The following APP variants were observed in gnomAD, a reference collection of about 807,000 sequenced individuals.
APP encodes the protein amyloid-beta precursor protein.
A neutral mutation model predicts 101.4 loss-of-function variants in APP; 31 were observed. The ratio of observed to expected loss-of-function variants is 0.31; its 90% CI spans 0.23 to 0.41. The LOEUF (loss-of-function observed/expected upper bound fraction) is 0.41, where lower values mean the gene tolerates loss of function less well. APP is among the 10% of genes least tolerant of loss of function. The pLI is 1.00. For missense variants in APP, 839 were observed against 1,003.7 expected (o/e 0.84, Z 2.22); for synonymous variants, 366 against 364.4 (o/e 1.00, Z -0.05).
At chr21:25,976,805 A>G (rs1038316568) in intron 9 of APP, among the ~76,000 whole-genome samples, 4 of 152,218 alleles carry the variant, frequency 2.6e-5, no homozygotes, top group Non-Finnish European at 5.9e-5. Flanking sequence ...TTGAGGGGTA[A>G]GTCCTGTAAG....
At position 25,881,499 on chromosome 21, in the gene APP, A is replaced by C. The variant is rs201876780; in HGVS notation, c.*171T>G. The C allele has an allele frequency of 1.4e-6, 1 of 724,674 alleles. No individual in the cohort carries two copies. Among genetic ancestry groups the C allele is most frequent in the Non-Finnish European group, 2.4e-6 (1 of 412,956 alleles). 44.9% of individuals were successfully genotyped at this position (724,674 alleles called of 1,614,324 possible). Reference sequence around the variant, plus strand: ...GATAGAATACATTACTGATGTGTGGATTAATTCAAGTTCAGGCATCTACTT... The same window carrying C: ...GATAGAATACATTACTGATGTGTGGCTTAATTCAAGTTCAGGCATCTACTT... On this transcript the variant is annotated 3_prime_UTR_variant, in exon 18 of 18. Transcript: ENST00000346798.
At chr21:26,003,655 C>T (rs1423044421) in intron 6 of APP, among the ~76,000 whole-genome samples, 1 of 152,232 alleles carries the variant, frequency 6.6e-6, no homozygotes, top group East Asian at 1.9e-4. Context: ...CTCTAAGAGA[C>T]AGCTACCTTG....
chr21:26,075,870 C>T (rs1206683709), intron 3 of APP, among the ~76,000 whole-genome samples: 1 of 152,070 alleles, frequency 6.6e-6, no homozygotes, highest in East Asian at 1.9e-4. Context: ...CCTGGAACAT[C>T]CCCATGAATA....
chr21:26,094,133 AT>A (rs979250274), intron 2 of APP, among the ~76,000 whole-genome samples: 1 of 151,578 alleles, frequency 6.6e-6, no homozygotes, highest in Non-Finnish European at 1.5e-5. Flanking sequence ...AAAAAAAAAA[AT>A]TTGAACCACA....
At chr21:25,908,691 T>C (rs1466744687) in intron 14 of APP, among the ~76,000 whole-genome samples, 1 of 29,998 alleles carries the variant, frequency 3.3e-5, no homozygotes, top group African/African-American at 1.5e-4. Context: ...CCTGGCTCCA[T>C]TAAAAAAAAA....
At chr21:26,028,346 A>T (rs1244126017) in intron 5 of APP, among the ~76,000 whole-genome samples, 1 of 152,202 alleles carries the variant, frequency 6.6e-6, no homozygotes, top group Non-Finnish European at 1.5e-5. Context: ...TGAGTAACAG[A>T]CATACTGCAG....
chr21:25,881,871 T>G (rs2037009210), intron 17 of APP, 100 bp from the exon 18 acceptor site: 2 of 1,219,436 alleles, frequency 1.6e-6, no homozygotes, highest in East Asian at 4.9e-5. Context: ...TACTCTTCTT[T>G]TGCCAAGATT....
rs1412729181 is a variant in APP, at chr21:25,905,858, ACTTC to A, written c.1910-785_1910-782del. On this transcript the variant is annotated intron_variant, in intron 14 of 17. Coordinates refer to ENST00000346798, the MANE Select transcript of APP (RefSeq NM_000484.4). ...AAAGCACTTCTGATGCTCAGAAAAT[ACTTC>A]CTTGTTTTACGCTGGCGTTTGAAGA... Among the ~76,000 whole-genome samples, 3 of 152,342 alleles carry A rather than the reference ACTTC, an allele frequency of 2.0e-5. No homozygotes were observed. In the East Asian group the frequency reaches 5.8e-4, roughly 29 times the overall value.
intron 14 of APP, among the ~76,000 whole-genome samples, chr21:25,907,073 C>T (rs558294769): frequency 3.9e-5 from 6 of 152,176 alleles, no homozygotes; most frequent in Non-Finnish European, 7.4e-5. Flanking sequence ...GGTTCAAATG[C>T]GTATACTTAT....
chr21:26,070,251 G>C (rs2046619964), intron 3 of APP, among the ~76,000 whole-genome samples: 1 of 152,146 alleles, frequency 6.6e-6, no homozygotes, highest in South Asian at 2.1e-4. Flanking sequence ...CTCTCTCTCT[G>C]TTACCACGCC....
intron 13 of APP, among the ~76,000 whole-genome samples, chr21:25,917,647 C>G (rs2039418869): frequency 6.6e-6 from 1 of 152,100 alleles, no homozygotes; most frequent in South Asian, 2.1e-4. Context: ...AATTACTGAA[C>G]AGCTTCTTCC....
chr21:25,929,607 CTTCT>C (rs1305704582), intron 13 of APP, among the ~76,000 whole-genome samples: 1 of 152,040 alleles, frequency 6.6e-6, no homozygotes, highest in African/African-American at 2.4e-5. Context: ...TTTGTTTCTC[CTTCT>C]AAGTAAGTTC....
chr21:25,908,491 T>TGTGC (rs1601364756), intron 14 of APP, among the ~76,000 whole-genome samples: 1 of 152,300 alleles, frequency 6.6e-6, no homozygotes, highest in Non-Finnish European at 1.5e-5. Flanking sequence ...TGTGTGTGTG[T>TGTGC]GTGCACATGT....
chr21:26,055,240 T>C (rs2045993900), intron 3 of APP, among the ~76,000 whole-genome samples: 1 of 152,160 alleles, frequency 6.6e-6, no homozygotes, highest in African/African-American at 2.4e-5. Context: ...CATCACGGGT[T>C]CTTTTATAAA....
intron 1 of APP, among the ~76,000 whole-genome samples, chr21:26,162,679 G>GC (rs1219976995): frequency 2.6e-5 from 4 of 151,372 alleles, no homozygotes; most frequent in Non-Finnish European, 5.9e-5. Context: ...TAGCAAAGCA[G>GC]CAAGAGTAAT....
At chr21:25,975,008 T>A in intron 11 of APP, 62 bp downstream of exon 11, 1 of 1,606,842 alleles carries the variant, frequency 6.2e-7, no homozygotes, top group Non-Finnish European at 8.5e-7. Flanking sequence ...CAGTTCCCAG[T>A]GCCCCACCCT....
At chr21:26,151,659 G>C (rs567300933) in intron 1 of APP, among the ~76,000 whole-genome samples, 1 of 152,248 alleles carries the variant, frequency 6.6e-6, no homozygotes, top group African/African-American at 2.4e-5. Context: ...TTCTAATAAG[G>C]AGTGTGCAAC....
At chr21:25,901,295 TTAAAAAAAA>T (rs1420228579) in intron 15 of APP, among the ~76,000 whole-genome samples, 3 of 75,260 alleles carry the variant, frequency 4.0e-5, no homozygotes, top group Non-Finnish European at 1.2e-4. Flanking sequence ...AAATCCTGTT[TTAAAAAAAA>T]AAAAAAAAAA....
chr21:26,050,972 C>T (rs1390005868), intron 5 of APP, 28 bp downstream of exon 5: 3 of 1,609,934 alleles, frequency 1.9e-6, no homozygotes, highest in South Asian at 2.2e-5. Flanking sequence ...TTCAGCATCT[C>T]TGAGGCTGAA....
Sources: gnomAD v4.1 joint callset for allele counts (sites outside exome capture counted in the v4.1 genomes callset) on GRCh38, gnomAD v4.1.1 for gene constraint, MANE v1.5 for transcripts, NCBI Gene and HGNC (gene_info 2026-07-23, HGNC 2026-07-21) for gene names.